VGLL4: variants seen among roughly 807,000 people sequenced by gnomAD.
The protein encoded by VGLL4 is vestigial like family member 4, also known as transcription cofactor vestigial-like protein 4.
In VGLL4, 7 loss-of-function variants were observed where a neutral mutation model predicts 21.0. That is an observed-to-expected ratio of 0.33 (90% CI 0.19 to 0.63). VGLL4 has a LOEUF of 0.63. VGLL4 is among the 20% of genes least tolerant of loss of function. The pLI, the probability that VGLL4 is intolerant of heterozygous loss-of-function variation, is 0.78. For synonymous variants in VGLL4, 222 were observed against 173.2 expected, an observed-to-expected ratio of 1.28 and a Z score of -2.21; for missense variants, 394 against 425.7, an observed-to-expected ratio of 0.93 and a Z score of 0.66.
upstream of VGLL4, among the ~76,000 whole-genome samples, chr3:11,721,002 A>G (rs2076988854): frequency 6.6e-6 from 1 of 152,166 alleles, no homozygotes; most frequent in Non-Finnish European, 1.5e-5. Flanking sequence ...TAACATATCC[A>G]GCGGCTAACT....
At chr3:11,644,063 G>T, upstream of VGLL4, 1 of 917,506 alleles carries the variant, frequency 1.1e-6, no homozygotes, top group Non-Finnish European at 1.3e-6. Flanking sequence ...AAGGGGAGGG[G>T]GAGAGACTCT....
At chr3:11,573,653 A>T (rs1363684923) in intron 2 of VGLL4, among the ~76,000 whole-genome samples, 3 of 152,056 alleles carry the variant, frequency 2.0e-5, no homozygotes, top group African/African-American at 7.2e-5. Flanking sequence ...GCATGAAATC[A>T]CTCCTTCTTG....
chr3:11,721,122 A>T (rs1162331674), upstream of VGLL4: 1 of 152,218 alleles, frequency 6.6e-6, no homozygotes, highest in African/African-American at 2.4e-5. Flanking sequence ...CCCCTACCGT[A>T]AGGGCTTTCC....
Position 11,559,418 on chromosome 3 carries a change from G to A in VGLL4, c.533C>T (p.Ala178Val). 2 of 1,564,166 alleles carry A rather than the reference G, an allele frequency of 1.3e-6. No homozygotes were observed. The highest frequency in any genetic ancestry group is 1.7e-6 in the Non-Finnish European group (2 of 1,155,366). ...GCAGTGCGAGAGGTTGCAGTTGCGG[G>A]CGCCAGCCGAGGCACAGGTGATCAC... is the stretch of plus-strand genomic sequence containing the variant. Reference protein sequence around the residue: ...PSVITCASAGARNCNLSHCPI... With the variant: ...PSVITCASAGVRNCNLSHCPI... Residue 178 changes from alanine to valine, a missense_variant, in exon 4 of 5, where the codon GCC becomes GTC. Physicochemically the swap from Ala to Val is moderately conservative, Grantham distance 64 (BLOSUM62 0). Coordinates refer to ENST00000430365, the MANE Select transcript of VGLL4 (RefSeq NM_001128219.3).
At chr3:11,563,206 C>G (rs2125121550) in intron 3 of VGLL4, among the ~76,000 whole-genome samples, 1 of 152,332 alleles carries the variant, frequency 6.6e-6, no homozygotes, top group African/African-American at 2.4e-5. Flanking sequence ...GGGCCAGAGG[C>G]TGGATGTGGG....
Position 11,556,488 on chromosome 3 carries a change from C to T in VGLL4, c.*2068G>A, listed in dbSNP as rs1465868505. The T allele has an allele frequency of 1.3e-5, 2 of 152,716 alleles. No homozygotes were observed. The highest frequency in any genetic ancestry group is 2.9e-5 in the Non-Finnish European group (2 of 68,030). The allele number at this position is 152,716 out of a possible 1,614,324, so 9.5% of individuals were successfully genotyped here. On this transcript the variant is annotated 3_prime_UTR_variant, in exon 5 of 5. Transcript: ENST00000430365. ...GAGCCGGTCAGCTGTGGGTGGTTTT[C>T]CTGTTACGACGCTCAGTAGCCTGTA...
chr3:11,692,492 C>T (rs1462719489), intron 2 of VGLL4, among the ~76,000 whole-genome samples: 1 of 152,170 alleles, frequency 6.6e-6, no homozygotes, highest in African/African-American at 2.4e-5. Context: ...AAAAGGGAAG[C>T]AACTGAAAGC....
upstream of VGLL4, among the ~76,000 whole-genome samples, chr3:11,644,650 AGCCTG>A (rs1428896501): frequency 6.6e-6 from 1 of 152,156 alleles, no homozygotes; most frequent in Admixed American, 6.5e-5. Flanking sequence ...GTTCAAGACC[AGCCTG>A]GCCAGCATGG....
intron 2 of VGLL4, among the ~76,000 whole-genome samples, chr3:11,665,111 T>TC (rs1559932616): frequency 2.4e-5 from 3 of 125,006 alleles, no homozygotes; most frequent in East Asian, 2.3e-4. Flanking sequence ...CTTTTTTTTT[T>TC]TTTTTTTTTT....
chr3:11,649,899 G>C (rs1172847194), intron 2 of VGLL4, among the ~76,000 whole-genome samples: 1 of 19,032 alleles, frequency 5.3e-5, no homozygotes. Context: ...TGCTCTATTT[G>C]GTTTGGTTTG....
chr3:11,671,229 A>C (rs2076210652), intron 2 of VGLL4: 1 of 1,560,784 alleles, frequency 6.4e-7, no homozygotes, highest in Admixed American at 1.8e-5. Context: ...AATGTCAATT[A>C]AGAAAATGTG....
intron 2 of VGLL4, among the ~76,000 whole-genome samples, chr3:11,697,852 G>A (rs538223970): frequency 1.7e-4 from 26 of 152,224 alleles, no homozygotes; most frequent in Non-Finnish European, 2.6e-4. Context: ...TCCAAACAAG[G>A]AGTTAGTGAA....
chr3:11,606,765 C>A (rs2074950658), intron 1 of VGLL4, among the ~76,000 whole-genome samples: 4 of 152,148 alleles, frequency 2.6e-5, no homozygotes. Context: ...AGGACATAGG[C>A]AGGGACAAAT....
intron 2 of VGLL4, among the ~76,000 whole-genome samples, chr3:11,698,389 G>A (rs2076633601): frequency 6.6e-6 from 1 of 151,360 alleles, no homozygotes; most frequent in African/African-American, 2.4e-5. Context: ...CACGCCTGTA[G>A]TCCCAGTTAC....
chr3:11,628,603 G>A (rs1466634731), intron 1 of VGLL4, among the ~76,000 whole-genome samples: 5 of 151,680 alleles, frequency 3.3e-5, no homozygotes, highest in Non-Finnish European at 4.4e-5. Flanking sequence ...GGCGGATCAC[G>A]AGGTCAGGAG....
chr3:11,563,787 A>G (rs1006210621), intron 3 of VGLL4, among the ~76,000 whole-genome samples: 3 of 152,190 alleles, frequency 2.0e-5, no homozygotes, highest in Non-Finnish European at 4.4e-5. Context: ...TGAATCAAAC[A>G]AACAGGATTA....
In VGLL4 at chr3:11,568,938, G is replaced by A; in HGVS notation, c.273-3919C>T. 2 of 1,231,532 alleles carry A rather than the reference G, an allele frequency of 1.6e-6. No individual in the cohort carries two copies. The highest frequency in any genetic ancestry group is 4.0e-5 in the South Asian group (2 of 50,508). 76.3% of individuals were successfully genotyped at this position (1,231,532 alleles called of 1,614,324 possible). ...TAGGCGGGCACTTCCACTGCCAGCT[G>A]CCCACGGAGAGAAAGATGGAAAGAG... On this transcript the variant is annotated intron_variant, in intron 2 of 4. Coordinates refer to ENST00000430365, the MANE Select transcript of VGLL4 (RefSeq NM_001128219.3). This position sits in a 1 kb window ranked among gnomAD's most constrained non-coding sequence, Gnocchi z 5.9.
intron 1 of VGLL4, among the ~76,000 whole-genome samples, chr3:11,718,017 G>T (rs1187663780): frequency 1.3e-5 from 2 of 152,120 alleles, no homozygotes; most frequent in Non-Finnish European, 2.9e-5. Flanking sequence ...TCACAGTTTT[G>T]GAATGTAGTC....
intron 1 of VGLL4, among the ~76,000 whole-genome samples, chr3:11,632,572 A>G (rs2075506047): frequency 6.6e-6 from 1 of 152,214 alleles, no homozygotes; most frequent in African/African-American, 2.4e-5. Context: ...TCCTTAATGT[A>G]CTTTAAAATC....
Sources: gnomAD v4.1 joint callset for allele counts (sites outside exome capture counted in the v4.1 genomes callset) on GRCh38, gnomAD v4.1.1 for gene constraint, Gnocchi (gnomAD v3.1) non-coding constraint, MANE v1.5 for transcripts, NCBI Gene and HGNC (gene_info 2026-07-23, HGNC 2026-07-21) for gene names.